The following XKRX variants were observed in gnomAD, a reference collection of about 807,000 sequenced individuals.
XKRX encodes XK-related protein 2.
Under a neutral mutation model 22.4 loss-of-function variants are expected in XKRX, and 11 were observed. That is an observed-to-expected ratio of 0.49 (90% CI 0.31 to 0.81). The LOEUF (loss-of-function observed/expected upper bound fraction) is 0.81, where lower values mean the gene tolerates loss of function less well. Ranked by LOEUF, XKRX falls within the 40% of genes least tolerant of loss-of-function variation. XKRX has a pLI of 0.05. For synonymous variants in XKRX, 114 were observed against 132.2 expected, an observed-to-expected ratio of 0.86 and a Z score of 0.94; for missense variants, 320 against 336.5, an observed-to-expected ratio of 0.95 and a Z score of 0.38.
chrX:100,891,085 C>T, the XKRX span, among the ~76,000 whole-genome samples: 1 of 111,445 alleles, frequency 9.0e-6, no homozygotes, highest in Non-Finnish European at 1.9e-5. Flanking sequence ...CTGCAACTTT[C>T]TCACCAACAT....
the XKRX span, among the ~76,000 whole-genome samples, chrX:100,900,746 G>C: frequency 9.2e-6 from 1 of 108,422 alleles, no homozygotes; most frequent in Non-Finnish European, 1.9e-5. Flanking sequence ...TGAGAATGTA[G>C]GACCTCTGGC....
intron 2 of XKRX, among the ~76,000 whole-genome samples, chrX:100,922,292 C>T (rs1166614708): frequency 8.9e-6 from 1 of 112,254 alleles, no homozygotes. Flanking sequence ...AAGCTCATCA[C>T]ATGATTCTGA....
At chrX:100,944,323 A>G in the XKRX span, among the ~76,000 whole-genome samples, 5 of 112,029 alleles carry the variant, frequency 4.5e-5, no homozygotes, top group Non-Finnish European at 9.4e-5. Context: ...GGAAGTGAAC[A>G]CTAGAAAGGA....
At chrX:100,919,956 T>C (rs2085463753) in intron 2 of XKRX, among the ~76,000 whole-genome samples, 1 of 111,898 alleles carries the variant, frequency 8.9e-6, no homozygotes, top group African/African-American at 3.2e-5. Flanking sequence ...TACTGTGGCA[T>C]AATTTGCAAT....
chrX:100,944,668 A>G, the XKRX span, among the ~76,000 whole-genome samples: 1 of 112,185 alleles, frequency 8.9e-6, no homozygotes, highest in East Asian at 2.8e-4. Context: ...CAGCCAAATA[A>G]AACTTTTTGA....
chrX:100,939,864 T>A, the XKRX span, among the ~76,000 whole-genome samples: 1 of 112,357 alleles, frequency 8.9e-6, no homozygotes, highest in Non-Finnish European at 1.9e-5. Context: ...AGCCAAGAAC[T>A]AATCACAGAT....
chrX:100,955,502 A>C, the XKRX span, among the ~76,000 whole-genome samples: 1 of 109,905 alleles, frequency 9.1e-6, no homozygotes, highest in Non-Finnish European at 1.9e-5. Flanking sequence ...GTGAAACCCT[A>C]TCTCTACTAA....
the XKRX span, among the ~76,000 whole-genome samples, chrX:100,897,057 C>T: frequency 9.0e-6 from 1 of 111,323 alleles, no homozygotes; most frequent in Non-Finnish European, 1.9e-5. Context: ...AAATCTTAAA[C>T]TGCTTTCCAT....
At chrX:100,951,952 A>C in the XKRX span, among the ~76,000 whole-genome samples, 11 of 111,501 alleles carry the variant, frequency 9.9e-5, no homozygotes, top group South Asian at 4.1e-3. Context: ...TTTCACTAAG[A>C]ATTATGCCAA....
the XKRX span, among the ~76,000 whole-genome samples, chrX:100,952,856 G>C: frequency 8.9e-6 from 1 of 112,249 alleles, no homozygotes; most frequent in African/African-American, 3.2e-5. Flanking sequence ...GATCTTTGTG[G>C]TTACAAAAAG....
upstream of XKRX, among the ~76,000 whole-genome samples, chrX:100,932,232 C>T (rs2095960802): frequency 9.0e-6 from 1 of 111,373 alleles, no homozygotes; most frequent in Admixed American, 9.6e-5. Context: ...TGTTTCTGTC[C>T]AAACACTCTT....
Position 100,918,510 on chromosome X carries a change from T to C in XKRX, c.605-3427A>G, listed in dbSNP as rs767929767. On this transcript the variant is annotated intron_variant, in intron 2 of 2. Coordinates refer to ENST00000372956, the MANE Select transcript of XKRX (RefSeq NM_212559.3). Reference sequence around the variant, plus strand: ...CCAATAAATGTCAAAACATTTTCAATCTGTGTCCCTACAAATACACTCATG... The same window carrying C: ...CCAATAAATGTCAAAACATTTTCAACCTGTGTCCCTACAAATACACTCATG... Among the ~76,000 whole-genome samples, 3 of 111,921 alleles carry C rather than the reference T, an allele frequency of 2.7e-5. No homozygotes were observed. The South Asian group carries it at 1.1e-3, about 42-fold the overall frequency.
chrX:100,939,729 A>C, the XKRX span, among the ~76,000 whole-genome samples: 2 of 112,234 alleles, frequency 1.8e-5, no homozygotes, highest in African/African-American at 3.2e-5. Flanking sequence ...TATTTCCACT[A>C]TCAGTCCCCC....
At chrX:100,909,835 G>A (rs893332271), downstream of XKRX, among the ~76,000 whole-genome samples, 3 of 102,555 alleles carry the variant, frequency 2.9e-5, no homozygotes, top group African/African-American at 1.1e-4. Flanking sequence ...CCCACAAGGC[G>A]GATGTTGCAG....
In XKRX at chrX:100,922,902, G is replaced by A; in HGVS notation, c.495C>T (p.Arg165=). 8.3e-7 allele frequency: 1 copy of A among 1,211,372 alleles called. No individual in the cohort carries two copies. Among genetic ancestry groups the A allele is most frequent in the South Asian group, 1.8e-5 (1 of 56,944 alleles). The change falls in exon 2 of 3, where the codon CGC becomes CGT. Residue 165 remains arginine, a synonymous_variant. Transcript: ENST00000372956. ...TCTGTGACATACGTTTGTAGGCATTGCGGTGCATAGCCAGGGTCCGGATGG... is the reference window on the plus strand; with the variant it reads ...TCTGTGACATACGTTTGTAGGCATTACGGTGCATAGCCAGGGTCCGGATGG... ...GHSIRTLAMH[R]NAYKRMSQIQ...
the XKRX span, among the ~76,000 whole-genome samples, chrX:100,951,814 C>CA: frequency 9.0e-6 from 1 of 111,588 alleles, no homozygotes; most frequent in African/African-American, 3.2e-5. Flanking sequence ...ACCAATTTCT[C>CA]AAAAAGCACA....
chrX:100,923,190 C>A, intron 1 of XKRX, 129 bp from the exon 2 acceptor site: 2 of 838,073 alleles, frequency 2.4e-6, no homozygotes, highest in Non-Finnish European at 3.3e-6. Flanking sequence ...CTTACTCCAT[C>A]ACCCTGGCTG....
the XKRX span, among the ~76,000 whole-genome samples, chrX:100,955,659 C>A: frequency 9.0e-6 from 1 of 110,952 alleles, no homozygotes; most frequent in Non-Finnish European, 1.9e-5. Context: ...GGTGACAGAG[C>A]AAGACTCTGT....
intron 1 of XKRX, among the ~76,000 whole-genome samples, chrX:100,923,527 T>C (rs1324848511): frequency 8.9e-6 from 1 of 112,357 alleles, no homozygotes; most frequent in Non-Finnish European, 1.9e-5. Context: ...GGGTGGATCA[T>C]GCCTTCTACA....
Sources: gnomAD v4.1 joint callset for allele counts (sites outside exome capture counted in the v4.1 genomes callset) on GRCh38, gnomAD v4.1.1 for gene constraint, MANE v1.5 for transcripts, NCBI Gene and HGNC (gene_info 2026-07-23, HGNC 2026-07-21) for gene names.